Variants in RTN1 observed in about 807,000 individuals in gnomAD.
The protein encoded by RTN1 is reticulon-1.
A neutral mutation model predicts 65.5 loss-of-function variants in RTN1; 25 were observed. That is an observed-to-expected ratio of 0.38 (90% CI 0.28 to 0.53). The LOEUF is 0.53. Ranked by LOEUF, RTN1 falls within the 20% of genes least tolerant of loss-of-function variation. The pLI is 0.79. For synonymous variants in RTN1, 471 were observed against 447.6 expected (o/e 1.05, Z -0.66); for missense variants, 983 against 1,025.4 (o/e 0.96, Z 0.57).
chr14:59,675,502 T>C (rs1435635795), intron 3 of RTN1, among the ~76,000 whole-genome samples: 1 of 151,610 alleles, frequency 6.6e-6, no homozygotes, highest in Non-Finnish European at 1.5e-5. Context: ...CTGAATTATC[T>C]AGTTCAATAT....
intron 1 of RTN1, among the ~76,000 whole-genome samples, chr14:59,775,265 G>A (rs1364277817): frequency 6.6e-6 from 1 of 152,132 alleles, no homozygotes; most frequent in Non-Finnish European, 1.5e-5. Context: ...AAAGGACCCT[G>A]GGTCCCTGAA....
chr14:59,745,346 T>C (rs1257817074), intron 2 of RTN1, among the ~76,000 whole-genome samples: 1 of 152,208 alleles, frequency 6.6e-6, no homozygotes, highest in Non-Finnish European at 1.5e-5. Context: ...ACCCAGATCC[T>C]AGCCGAAAGC....
At chr14:59,719,377 C>A (rs1230301087) in intron 3 of RTN1, among the ~76,000 whole-genome samples, 1 of 152,188 alleles carries the variant, frequency 6.6e-6, no homozygotes, top group Non-Finnish European at 1.5e-5. Flanking sequence ...CAGTTTCCTC[C>A]TTCTCAGAGG....
At chr14:59,652,335 A>G (rs1380583698) in intron 3 of RTN1, among the ~76,000 whole-genome samples, 2 of 152,350 alleles carry the variant, frequency 1.3e-5, no homozygotes, top group Admixed American at 6.5e-5. Flanking sequence ...CTAGGTATAT[A>G]CCCAAAGGAA....
At chr14:59,674,825 A>T (rs1956351) in intron 3 of RTN1, among the ~76,000 whole-genome samples, 104,898 of 151,580 alleles carry the variant, frequency 0.69, 36,756 homozygotes, top group Non-Finnish European at 0.74. Flanking sequence ...TGCAAATGGC[A>T]CAGATTAAAA....
At chr14:59,844,137 C>G (rs1431736415) in intron 1 of RTN1, among the ~76,000 whole-genome samples, 1 of 152,186 alleles carries the variant, frequency 6.6e-6, no homozygotes, top group Non-Finnish European at 1.5e-5. Context: ...CTTGTAGGCA[C>G]AGGCCTTATA....
At chr14:59,611,657 G>C (rs1488192100) in intron 3 of RTN1, among the ~76,000 whole-genome samples, 1 of 152,114 alleles carries the variant, frequency 6.6e-6, no homozygotes, top group African/African-American at 2.4e-5. Flanking sequence ...TTTGCAATTT[G>C]GGGGGTCTCA....
chr14:59,700,540 C>A (rs1000168444), intron 3 of RTN1, among the ~76,000 whole-genome samples: 1 of 152,068 alleles, frequency 6.6e-6, no homozygotes, highest in Admixed American at 6.6e-5. Flanking sequence ...ATCAATACAA[C>A]AAAATTAATT....
intron 2 of RTN1, among the ~76,000 whole-genome samples, chr14:59,733,999 C>G (rs906966934): frequency 3.3e-5 from 5 of 152,062 alleles, no homozygotes; most frequent in Admixed American, 2.6e-4. Flanking sequence ...AAAAGGTCAG[C>G]ACTCCCCTGG....
Position 59,870,269 on chromosome 14 carries a change from G to A in RTN1, c.241+121C>T. 1.0e-6 allele frequency: 1 copy of A among 996,138 alleles called. No homozygotes were observed. Among genetic ancestry groups the A allele is most frequent in the Non-Finnish European group, 1.3e-6 (1 of 756,990 alleles). The allele number at this position is 996,138 out of a possible 1,614,324, so 61.7% of individuals were successfully genotyped here. On this transcript the variant is annotated intron_variant, in intron 1 of 8. Coordinates refer to ENST00000267484, the MANE Select transcript of RTN1 (RefSeq NM_021136.3). This position sits in a 1 kb window ranked among gnomAD's most constrained non-coding sequence, Gnocchi z 5.1. ...CCCAGTCGCCCGTGGCGACGCGGGG[G>A]TGGGGTCGGCGCTCAAGGCAGAAAG...
At chr14:59,860,635 G>C (rs1471924272) in intron 1 of RTN1, among the ~76,000 whole-genome samples, 1 of 152,156 alleles carries the variant, frequency 6.6e-6, no homozygotes, top group Non-Finnish European at 1.5e-5. Context: ...GGCACTCAAT[G>C]CCAGCCTATG....
chr14:59,771,179 T>C (rs1885951337), intron 1 of RTN1, among the ~76,000 whole-genome samples: 1 of 152,228 alleles, frequency 6.6e-6, no homozygotes, highest in Middle Eastern at 3.2e-3. Context: ...TGAGGGCCCA[T>C]TTATATTTTC....
chr14:59,861,157 C>T lies in RTN1; in HGVS notation c.241+9233G>A, dbSNP rs182583718. Among the ~76,000 whole-genome samples, 26 of 152,266 alleles carry T rather than the reference C, an allele frequency of 1.7e-4. No homozygotes were observed. The East Asian group carries it at 4.3e-3, about 25-fold the overall frequency. ...TTTGGCTGTGTCCCCACCCAAATTTCATCTTGAATTCCCACGTGTTATGTG... is the reference window on the plus strand; with the variant it reads ...TTTGGCTGTGTCCCCACCCAAATTTTATCTTGAATTCCCACGTGTTATGTG... On this transcript the variant is annotated intron_variant, in intron 1 of 8. Coordinates refer to ENST00000267484, the MANE Select transcript of RTN1 (RefSeq NM_021136.3).
At chr14:59,712,560 A>G (rs574567701) in intron 3 of RTN1, among the ~76,000 whole-genome samples, 1 of 152,358 alleles carries the variant, frequency 6.6e-6, no homozygotes, top group Admixed American at 6.5e-5. Context: ...TGACATAAGA[A>G]GAAAACTTGC....
intron 1 of RTN1, among the ~76,000 whole-genome samples, chr14:59,750,401 A>AT (rs1885467112): frequency 2.3e-5 from 1 of 43,942 alleles, no homozygotes; most frequent in African/African-American, 7.3e-5. Context: ...TCTATAATAT[A>AT]TATATTATAT....
At chr14:59,817,914 G>T (rs538541160) in intron 1 of RTN1, among the ~76,000 whole-genome samples, 99 of 152,222 alleles carry the variant, frequency 6.5e-4, no homozygotes, top group Middle Eastern at 3.4e-3. Context: ...ACATGTGCAG[G>T]TTTGTTACAC....
intron 1 of RTN1, among the ~76,000 whole-genome samples, chr14:59,804,468 T>C (rs933494000): frequency 6.6e-6 from 1 of 152,200 alleles, no homozygotes; most frequent in Non-Finnish European, 1.5e-5. Context: ...TGATTGTAAA[T>C]CTATATTCAT....
At chr14:59,770,248 C>T (rs975369699) in intron 1 of RTN1, among the ~76,000 whole-genome samples, 3 of 151,658 alleles carry the variant, frequency 2.0e-5, no homozygotes, top group Admixed American at 6.6e-5. Flanking sequence ...CATGGTGCTG[C>T]ACGCCTGTAA....
At chr14:59,739,726 G>T (rs537101064) in intron 2 of RTN1, among the ~76,000 whole-genome samples, 1 of 152,214 alleles carries the variant, frequency 6.6e-6, no homozygotes, top group East Asian at 1.9e-4. Flanking sequence ...TGGTGAGTGA[G>T]AAAAAGAGGG....
Sources: allele counts gnomAD v4.1 joint callset (sites outside exome capture counted in the v4.1 genomes callset), GRCh38; gene constraint gnomAD v4.1.1; non-coding constraint Gnocchi (gnomAD v3.1); transcripts MANE v1.5; gene names NCBI Gene and HGNC (gene_info 2026-07-23, HGNC 2026-07-21).